The following CTLA4 variants were observed in gnomAD, a reference collection of about 807,000 sequenced individuals.
CTLA4 encodes the protein cytotoxic T-lymphocyte protein 4.
CTLA4 carries 3 observed loss-of-function variants against 20.4 expected under a neutral mutation model. That is an observed-to-expected ratio of 0.15 (90% CI 0.07 to 0.38). The LOEUF (loss-of-function observed/expected upper bound fraction) is 0.38, where lower values mean the gene tolerates loss of function less well. Ranked by LOEUF, CTLA4 falls within the 10% of genes least tolerant of loss-of-function variation. CTLA4 has a pLI of 1.00. For synonymous variants in CTLA4, 100 were observed against 105.2 expected, an observed-to-expected ratio of 0.95 and a Z score of 0.30; for missense variants, 184 against 276.8, an observed-to-expected ratio of 0.66 and a Z score of 2.38.
At position 203,873,066 on chromosome 2, in the gene CTLA4, G is replaced by A. The variant is rs1688762144; in HGVS notation, c.*254G>A. 2 of 578,838 alleles carry A rather than the reference G, an allele frequency of 3.5e-6. No individual in the cohort carries two copies. The highest frequency in any genetic ancestry group is 6.1e-5 in the Admixed American group (2 of 32,896). The allele number at this position is 578,838 out of a possible 1,614,324, so 35.9% of individuals were successfully genotyped here. On this transcript the variant is annotated 3_prime_UTR_variant, in exon 4 of 4. Transcript: ENST00000648405. ...AAGCATCACTTGGGATTAATATGGG[G>A]ATGCAGCATTATGATGTGGGTCAAG...
intron 1 of CTLA4, among the ~76,000 whole-genome samples, chr2:203,869,658 T>C (rs958008958): frequency 6.6e-6 from 1 of 152,236 alleles, no homozygotes; most frequent in Non-Finnish European, 1.5e-5. Context: ...AGTGACATCA[T>C]GCAACACAAG....
chr2:203,870,347 A>G lies in CTLA4; in HGVS notation c.110-239A>G. 1.8e-6 allele frequency: 1 copy of G among 553,660 alleles called. No homozygotes were observed. The highest frequency in any genetic ancestry group is 3.2e-6 in the Non-Finnish European group (1 of 310,884). 34.3% of individuals were successfully genotyped at this position (553,660 alleles called of 1,614,324 possible). Reference sequence around the variant, plus strand: ...TTGTCATATCAGTGTTCTTCCTGCCACAACCATCTTGAAGAATCTATTTCT... The same window carrying G: ...TTGTCATATCAGTGTTCTTCCTGCCGCAACCATCTTGAAGAATCTATTTCT... On this transcript the variant is annotated intron_variant, in intron 1 of 3. Coordinates refer to ENST00000648405, the MANE Select transcript of CTLA4 (RefSeq NM_005214.5). This position sits in a 1 kb window ranked among gnomAD's most constrained non-coding sequence, Gnocchi z 5.3.
In CTLA4 at chr2:203,870,712, G is replaced by T. The variant is rs754725143; in HGVS notation, c.236G>T (p.Ser79Ile). ...GTGACAGTGCTTCGGCAGGCTGACA[G>T]CCAGGTGACTGAAGTCTGTGCGGCA... ...VRVTVLRQAD[S>I]QVTEVCAATY... The change falls in exon 2 of 4, where the codon AGC becomes ATC. Residue 79 changes from serine (S) to isoleucine (I), a missense_variant. Ser to Ile is a moderately radical substitution (Grantham distance 142). Coordinates refer to ENST00000648405, the MANE Select transcript of CTLA4 (RefSeq NM_005214.5). This position sits in a 1 kb window ranked among gnomAD's most constrained non-coding sequence, Gnocchi z 5.3. The T allele has an allele frequency of 6.2e-7, 1 of 1,614,244 alleles. No homozygotes were observed.
Position 203,870,979 on chromosome 2 carries a change from C to G in CTLA4, c.457+46C>G. 1.4e-6 allele frequency: 2 copies of G among 1,445,438 alleles called. No individual in the cohort carries two copies. The highest frequency in any genetic ancestry group is 1.2e-5 in the South Asian group (1 of 81,762). The allele number at this position is 1,445,438 out of a possible 1,614,324, so 89.5% of individuals were successfully genotyped here. A position where few individuals can be genotyped will look rare whatever the true frequency, so the allele number is the denominator to read the frequency against. ...GAGTTGACACCTGTTGCATTGCAGT[C>G]TTCTATGCACAAAAACAGTTTTGTT... On this transcript the variant is annotated intron_variant, in intron 2 of 3. Transcript: ENST00000648405. This position sits in a 1 kb window ranked among gnomAD's most constrained non-coding sequence, Gnocchi z 5.3.
chr2:203,870,329 A>G lies in CTLA4; in HGVS notation c.110-257A>G, dbSNP rs1559591532. On this transcript the variant is annotated intron_variant, in intron 1 of 3. Transcript: ENST00000648405. The surrounding 1 kb of genome is among the most constrained non-coding windows in gnomAD (Gnocchi z 5.3). ...TAGAGCCAGGTCTTCTGTTTGTCAT[A>G]TCAGTGTTCTTCCTGCCACAACCAT... 1 of 523,340 alleles carries G rather than the reference A, an allele frequency of 1.9e-6. No individual in the cohort carries two copies. Among genetic ancestry groups the G allele is most frequent in the Non-Finnish European group, 3.4e-6 (1 of 292,390 alleles). 32.4% of individuals were successfully genotyped at this position (523,340 alleles called of 1,614,324 possible).
In CTLA4 at chr2:203,870,561, G is replaced by T; in HGVS notation, c.110-25G>T. 6.2e-7 allele frequency: 1 copy of T among 1,606,594 alleles called. No individual in the cohort carries two copies. The highest frequency in any genetic ancestry group is 8.5e-7 in the Non-Finnish European group (1 of 1,174,760). On this transcript the variant is annotated intron_variant, in intron 1 of 3. Coordinates refer to ENST00000648405, the MANE Select transcript of CTLA4 (RefSeq NM_005214.5). The surrounding 1 kb of genome is among the most constrained non-coding windows in gnomAD (Gnocchi z 5.3). ...CCATGAAGGAGCATGAGTTCACTGA[G>T]TTCCCTTTGGCTTTTCCATGCTAGC... is the stretch of plus-strand genomic sequence containing the variant.
chr2:203,869,968 AC>A (rs1216487473), intron 1 of CTLA4, among the ~76,000 whole-genome samples: 2 of 152,162 alleles, frequency 1.3e-5, no homozygotes, highest in East Asian at 3.9e-4. Flanking sequence ...TCATCTAACA[AC>A]ATCTTCCACT....
At position 203,870,582 on chromosome 2, in the gene CTLA4, C is replaced by T; in HGVS notation, c.110-4C>T. ...CTGAGTTCCCTTTGGCTTTTCCATGCTAGCAATGCACGTGGCCCAGCCTGC... is the reference window on the plus strand; with the variant it reads ...CTGAGTTCCCTTTGGCTTTTCCATGTTAGCAATGCACGTGGCCCAGCCTGC... On this transcript the variant is annotated splice_region_variant and splice_polypyrimidine_tract_variant and intron_variant, in intron 1 of 3. Transcript: ENST00000648405. This position sits in a 1 kb window ranked among gnomAD's most constrained non-coding sequence, Gnocchi z 5.3. 1 of 1,611,776 alleles carries T rather than the reference C, an allele frequency of 6.2e-7. No individual in the cohort carries two copies. Among genetic ancestry groups the T allele is most frequent in the Non-Finnish European group, 8.5e-7 (1 of 1,178,148 alleles).
Position 203,870,493 on chromosome 2 carries a change from G to A in CTLA4, c.110-93G>A, listed in dbSNP as rs56387603. The A allele has an allele frequency of 3.8e-4, 531 of 1,385,090 alleles. 6 individuals are homozygous for A. In the East Asian group the frequency reaches 0.011, roughly 30 times the overall value. The allele number at this position is 1,385,090 out of a possible 1,614,324, so 85.8% of individuals were successfully genotyped here. ...TTCGTTGAAGGGGGGAGAAAAGGCCGTGGGGATGAAGCTAGAAGGCAGAAG... is the reference window on the plus strand; with the variant it reads ...TTCGTTGAAGGGGGGAGAAAAGGCCATGGGGATGAAGCTAGAAGGCAGAAG... On this transcript the variant is annotated intron_variant, in intron 1 of 3. Transcript: ENST00000648405. The surrounding 1 kb of genome is among the most constrained non-coding windows in gnomAD (Gnocchi z 5.3).
chr2:203,870,043 G>A lies in CTLA4; in HGVS notation c.110-543G>A, dbSNP rs1688699952. On this transcript the variant is annotated intron_variant, in intron 1 of 3. Transcript: ENST00000648405. The surrounding 1 kb of genome is among the most constrained non-coding windows in gnomAD (Gnocchi z 5.3). ...CATCAAGACACAGCTACTCCTGGGT[G>A]ACAGAGGTTCAGGGCCAGCTCACTA... is the stretch of plus-strand genomic sequence containing the variant. Among the ~76,000 whole-genome samples, 4 of 152,312 alleles carry A rather than the reference G, an allele frequency of 2.6e-5. No individual in the cohort carries two copies. Among genetic ancestry groups the A allele is most frequent in the South Asian group, 2.1e-4 (1 of 4,830 alleles).
At chr2:203,868,182 G>T (rs1459118250) in intron 1 of CTLA4, 131 bp downstream of exon 1, 1 of 708,190 alleles carries the variant, frequency 1.4e-6, no homozygotes, top group Non-Finnish European at 2.4e-6. Context: ...ATCTGGCTTG[G>T]CTGGCTCTGT....
intron 1 of CTLA4, 43 bp downstream of exon 1, chr2:203,868,094 T>C: frequency 7.0e-7 from 1 of 1,435,434 alleles, no homozygotes; most frequent in East Asian, 2.3e-5. Context: ...GAGGTGTTTC[T>C]CCTACCTGGG....
Position 203,873,854 on chromosome 2 carries a change from G to A in CTLA4, c.*1042G>A, listed in dbSNP as rs55696217. On this transcript the variant is annotated 3_prime_UTR_variant, in exon 4 of 4. Coordinates refer to ENST00000648405, the MANE Select transcript of CTLA4 (RefSeq NM_005214.5). ...AGGTGGCAGAATGGGGTGCATGAAGGTTTCTGAAAATTAACACTGCTTGTG... is the reference window on the plus strand; with the variant it reads ...AGGTGGCAGAATGGGGTGCATGAAGATTTCTGAAAATTAACACTGCTTGTG... The A allele has an allele frequency of 1.1e-3, 244 of 230,874 alleles. No homozygotes were observed. The East Asian group carries it at 0.014, about 13-fold the overall frequency. The allele number at this position is 230,874 out of a possible 1,614,324, so 14.3% of individuals were successfully genotyped here.
chr2:203,868,651 A>G (rs1403275825), intron 1 of CTLA4, among the ~76,000 whole-genome samples: 3 of 151,956 alleles, frequency 2.0e-5, no homozygotes, highest in East Asian at 3.9e-4. Flanking sequence ...AAAGTTTGAA[A>G]TTGCCAAAAA....
intron 1 of CTLA4, among the ~76,000 whole-genome samples, chr2:203,869,625 G>A (rs960656699): frequency 6.6e-6 from 1 of 152,228 alleles, no homozygotes; most frequent in Non-Finnish European, 1.5e-5. Context: ...TGTTAGTAAA[G>A]TGTCAAAGGG....
At chr2:203,872,623 C>T (rs1688753776) in intron 3 of CTLA4, 85 bp from the exon 4 acceptor site, 1 of 762,518 alleles carries the variant, frequency 1.3e-6, no homozygotes, top group South Asian at 1.6e-5. Flanking sequence ...CAGCTAGGGA[C>T]CCAATATGTG....
chr2:203,871,543 A>C, intron 3 of CTLA4, 56 bp downstream of exon 3: 1 of 1,308,532 alleles, frequency 7.6e-7, no homozygotes, highest in Non-Finnish European at 1.1e-6. Context: ...TAGTGGTATC[A>C]ACTGGCCAAA....
chr2:203,872,925 C>T lies in CTLA4; in HGVS notation c.*113C>T. 2.8e-6 allele frequency: 2 copies of T among 712,840 alleles called. No individual in the cohort carries two copies. Among genetic ancestry groups the T allele is most frequent in the East Asian group, 2.7e-5 (1 of 37,292 alleles). 44.2% of individuals were successfully genotyped at this position (712,840 alleles called of 1,614,324 possible). A position where few individuals can be genotyped will look rare whatever the true frequency, so the allele number is the denominator to read the frequency against. On this transcript the variant is annotated 3_prime_UTR_variant, in exon 4 of 4. Transcript: ENST00000648405. ...GTTTGTGCATTTGGGGGGAATTCAT[C>T]TCTCTTTAATATAAAGTTGGATGCG...
Position 203,870,764 on chromosome 2 carries a change from C to A in CTLA4, c.288C>A (p.Thr96=). 1 of 1,614,168 alleles carries A rather than the reference C, an allele frequency of 6.2e-7. No homozygotes were observed. Among genetic ancestry groups the A allele is most frequent in the Non-Finnish European group, 8.5e-7 (1 of 1,180,036 alleles). The change falls in exon 2 of 4, where the codon ACC becomes ACA. Residue 96 remains threonine, a synonymous_variant. Transcript: ENST00000648405. The surrounding 1 kb of genome is among the most constrained non-coding windows in gnomAD (Gnocchi z 5.3). The stretch of plus-strand genomic sequence containing the variant: ...CCTACATGATGGGGAATGAGTTGAC[C>A]TTCCTAGATGATTCCATCTGCACGG... ...AATYMMGNEL[T]FLDDSICTGT...
Sources: allele counts gnomAD v4.1 joint callset (sites outside exome capture counted in the v4.1 genomes callset), GRCh38; gene constraint gnomAD v4.1.1; non-coding constraint Gnocchi (gnomAD v3.1); transcripts MANE v1.5; gene names NCBI Gene and HGNC (gene_info 2026-07-23, HGNC 2026-07-21).